Variants in COL4A5 observed in about 807,000 individuals in gnomAD.
COL4A5 encodes collagen alpha-5(IV) chain.
COL4A5 carries 26 observed loss-of-function variants against 130.2 expected under a neutral mutation model. The observed-to-expected ratio is 0.20, with a 90% CI of 0.15 to 0.28. The LOEUF is 0.28. Among genes scored for constraint, COL4A5 ranks in the 10% least tolerant of loss-of-function variants. The pLI is 1.00. For missense variants in COL4A5, 1,131 were observed against 1,344.3 expected (o/e 0.84, Z 2.48); for synonymous variants, 496 against 439.6 (o/e 1.13, Z -1.60).
chrX:108,631,350 C>T (rs1351448356), intron 36 of COL4A5, among the ~76,000 whole-genome samples: 2 of 111,043 alleles, frequency 1.8e-5, no homozygotes, highest in Admixed American at 1.9e-4. Context: ...GTTTGTAGTT[C>T]TCCTTGAAGA....
At chrX:108,457,948 G>T (rs909181896) in intron 1 of COL4A5, among the ~76,000 whole-genome samples, 3 of 111,851 alleles carry the variant, frequency 2.7e-5, no homozygotes, top group Non-Finnish European at 5.6e-5. Context: ...TGAGTAGGAA[G>T]AGCTTTTTGT....
intron 10 of COL4A5, among the ~76,000 whole-genome samples, 162 bp downstream of exon 10, chrX:108,576,134 A>G (rs944036302): frequency 3.8e-5 from 4 of 105,779 alleles, no homozygotes; most frequent in Non-Finnish European, 6.1e-5. Context: ...GGTGAATAAT[A>G]TGCATTCTAA....
chrX:108,456,421 G>A (rs1191817832), intron 1 of COL4A5, among the ~76,000 whole-genome samples: 1 of 111,825 alleles, frequency 8.9e-6, no homozygotes, highest in Admixed American at 9.5e-5. Flanking sequence ...TCAAGATATA[G>A]AACAGCATTT....
At chrX:108,502,614 C>T (rs1371683489) in intron 1 of COL4A5, among the ~76,000 whole-genome samples, 4 of 111,665 alleles carry the variant, frequency 3.6e-5, no homozygotes, top group Non-Finnish European at 5.6e-5. Flanking sequence ...TTGTGTAGTC[C>T]GTTGCCTGAA....
chrX:108,545,256 G>A (rs1158601084), intron 2 of COL4A5, among the ~76,000 whole-genome samples: 1 of 111,320 alleles, frequency 9.0e-6, no homozygotes, highest in African/African-American at 3.3e-5. Flanking sequence ...AGTGCTGTAA[G>A]TTTCCCTCTA....
chrX:108,467,523 A>G (rs2064718237), intron 1 of COL4A5, among the ~76,000 whole-genome samples: 2 of 111,350 alleles, frequency 1.8e-5, no homozygotes, highest in Admixed American at 9.6e-5. Flanking sequence ...TGACTTTACT[A>G]TTACTCTTTC....
chrX:108,667,182 T>A lies in COL4A5; in HGVS notation c.3603T>A (p.Ser1201=). 2 of 1,200,547 alleles carry A rather than the reference T, an allele frequency of 1.7e-6. No individual in the cohort carries two copies. The highest frequency in any genetic ancestry group is 2.3e-6 in the Non-Finnish European group (2 of 885,071). Residue 1201 remains serine (S), a splice_region_variant and synonymous_variant, in exon 40 of 53, where the codon TCT becomes TCA. Coordinates refer to ENST00000328300, the MANE Select transcript of COL4A5 (RefSeq NM_033380.3). The part of the protein sequence containing the change: ...NPGPPGLPGL[S]GQKGDGGLPG... ...GACCCCCTGGACTTCCAGGACTTTCTGGTAAACCTTAATAAAACATGCTAA... is the reference window on the plus strand; with the variant it reads ...GACCCCCTGGACTTCCAGGACTTTCAGGTAAACCTTAATAAAACATGCTAA...
intron 1 of COL4A5, among the ~76,000 whole-genome samples, chrX:108,471,766 T>A (rs1273541575): frequency 9.0e-6 from 1 of 111,588 alleles, no homozygotes; most frequent in Non-Finnish European, 1.9e-5. Flanking sequence ...TGAACTTGGA[T>A]GGGGGTTAAA....
chrX:108,598,564 A>G, intron 24 of COL4A5, 138 bp from the exon 25 acceptor site: 1 of 572,055 alleles, frequency 1.7e-6, no homozygotes, highest in Non-Finnish European at 2.9e-6. Flanking sequence ...CACACATACC[A>G]TCTCATAATA....
intron 1 of COL4A5, among the ~76,000 whole-genome samples, chrX:108,452,732 T>C (rs79623923): frequency 9.8e-5 from 11 of 111,961 alleles, no homozygotes; most frequent in African/African-American, 1.9e-4. Context: ...TGGGCTGAGA[T>C]GATGGGGTTT....
intron 44 of COL4A5, among the ~76,000 whole-genome samples, chrX:108,678,415 C>G (rs1231711838): frequency 8.9e-6 from 1 of 111,911 alleles, no homozygotes; most frequent in Non-Finnish European, 1.9e-5. Context: ...TCTACTCACT[C>G]CCTATAAATA....
At chrX:108,695,599 C>A in intron 52 of COL4A5, 160 bp downstream of exon 52, 2 of 535,993 alleles carry the variant, frequency 3.7e-6, no homozygotes, top group Non-Finnish European at 6.1e-6. Context: ...TGACTCAGGT[C>A]AGAAAAACAG....
chrX:108,625,681 A>T, intron 34 of COL4A5, 24 bp from the exon 35 acceptor site: 1 of 1,058,272 alleles, frequency 9.4e-7, no homozygotes, highest in Non-Finnish European at 1.3e-6. Context: ...CATTGTCTTA[A>T]TTTTACCAAT....
intron 23 of COL4A5, 50 bp from the exon 24 acceptor site, chrX:108,597,327 C>A (rs1187992542): frequency 2.7e-6 from 3 of 1,131,303 alleles, no homozygotes; most frequent in Non-Finnish European, 3.6e-6. Context: ...TTTTCTTTTT[C>A]TCTTTCTTCT....
chrX:108,453,522 A>G (rs891601598), intron 1 of COL4A5, among the ~76,000 whole-genome samples: 3 of 111,945 alleles, frequency 2.7e-5, no homozygotes, highest in Non-Finnish European at 5.6e-5. Flanking sequence ...CCACTTGAAA[A>G]TGAATAAATA....
chrX:108,685,008 GATT>G (rs2147987681), intron 47 of COL4A5, among the ~76,000 whole-genome samples: 1 of 112,016 alleles, frequency 8.9e-6, no homozygotes, highest in South Asian at 3.7e-4. Context: ...AAAAACACAT[GATT>G]ATCTCAATAG....
chrX:108,502,719 T>C (rs956993766), intron 1 of COL4A5, among the ~76,000 whole-genome samples: 1 of 111,633 alleles, frequency 9.0e-6, no homozygotes, highest in Non-Finnish European at 1.9e-5. Context: ...AGTAAATACC[T>C]TTGTAACTAA....
intron 1 of COL4A5, among the ~76,000 whole-genome samples, chrX:108,458,153 A>G (rs2064602215): frequency 9.4e-6 from 1 of 105,883 alleles, no homozygotes; most frequent in Non-Finnish European, 1.9e-5. Flanking sequence ...GACTTCCCCA[A>G]GGTCACCAAG....
At chrX:108,449,177 C>T (rs1156985509) in intron 1 of COL4A5, among the ~76,000 whole-genome samples, 2 of 111,674 alleles carry the variant, frequency 1.8e-5, no homozygotes, top group African/African-American at 6.5e-5. Context: ...CCCTGCCCTG[C>T]GTCTGGCCAA....
Sources: gnomAD v4.1 joint callset for allele counts (sites outside exome capture counted in the v4.1 genomes callset) on GRCh38, gnomAD v4.1.1 for gene constraint, MANE v1.5 for transcripts, NCBI Gene and HGNC (gene_info 2026-07-23, HGNC 2026-07-21) for gene names.